The following SYN2 variants were observed in gnomAD, a reference collection of about 807,000 sequenced individuals.
SYN2 encodes synapsin-2.
In SYN2, 19 loss-of-function variants were observed where a neutral mutation model predicts 50.9. The ratio of observed to expected loss-of-function variants is 0.37; its 90% CI spans 0.26 to 0.55. The LOEUF (loss-of-function observed/expected upper bound fraction) is 0.55. Among genes scored for constraint, SYN2 ranks in the 20% least tolerant of loss-of-function variants. The pLI is 0.81. For missense variants in SYN2, 587 were observed against 576.4 expected (o/e 1.02, Z -0.19); for synonymous variants, 255 against 224.9 (o/e 1.13, Z -1.20).
intron 1 of SYN2, among the ~76,000 whole-genome samples, chr3:12,084,026 C>A (rs1458537488): frequency 1.3e-5 from 2 of 152,060 alleles, no homozygotes; most frequent in Non-Finnish European, 2.9e-5. Context: ...AATTTAGAAA[C>A]CCTGTTTATG....
At chr3:12,153,616 C>G (rs781379334) in intron 5 of SYN2, 27 of 1,614,034 alleles carry the variant, frequency 1.7e-5, no homozygotes, top group Non-Finnish European at 2.0e-5. Flanking sequence ...TAATGCTGAG[C>G]CTGGTAACCA....
At position 12,185,212 on chromosome 3, in the gene SYN2, A is replaced by G. The variant is rs774086189; in HGVS notation, c.1369+1840A>G. On this transcript the variant is annotated intron_variant, in intron 11 of 12. Transcript: ENST00000621198. ...AGGTCCTTAAATACCTCCCAATCTG[A>G]TGAAACGATAGAATAAAGTAACATT... 2.1e-5 allele frequency: 21 copies of G among 985,764 alleles called. No individual in the cohort carries two copies. In the Admixed American group the frequency reaches 9.2e-4, roughly 43 times the overall value. 61.1% of individuals were successfully genotyped at this position (985,764 alleles called of 1,614,324 possible).
chr3:12,105,986 G>C (rs1431054020), intron 1 of SYN2, among the ~76,000 whole-genome samples: 1 of 152,060 alleles, frequency 6.6e-6, no homozygotes, highest in Non-Finnish European at 1.5e-5. Flanking sequence ...ATCTACACAG[G>C]GATCTTCTTA....
chr3:12,053,493 C>G (rs1203161215), intron 1 of SYN2, among the ~76,000 whole-genome samples: 1 of 151,504 alleles, frequency 6.6e-6, no homozygotes, highest in African/African-American at 2.4e-5. Flanking sequence ...CCTTCTTTCT[C>G]ATTATCTGAT....
chr3:12,053,007 C>T (rs1276346653), intron 1 of SYN2, among the ~76,000 whole-genome samples: 1 of 152,108 alleles, frequency 6.6e-6, no homozygotes, highest in East Asian at 1.9e-4. Flanking sequence ...ACCTTTACAA[C>T]AACCCTACAG....
Position 12,108,062 on chromosome 3 carries a change from T to A in SYN2, c.378-32589T>A, listed in dbSNP as rs1258421833. ...CCTGTCTCTACAAAAAATAAAACAT[T>A]AGCTGGGCATGGTGGCATGTGCCTG... On this transcript the variant is annotated intron_variant, in intron 1 of 12. Coordinates refer to ENST00000621198, the MANE Select transcript of SYN2 (RefSeq NM_133625.6). 2.6e-5 allele frequency among the ~76,000 whole-genome samples: 4 copies of A among 151,930 alleles called. No individual in the cohort carries two copies. In the South Asian group the frequency reaches 8.3e-4, roughly 32 times the overall value.
chr3:12,049,526 A>AT (rs199871667), intron 1 of SYN2, among the ~76,000 whole-genome samples: 96,805 of 141,808 alleles, frequency 0.68, 33,554 homozygotes, highest in South Asian at 0.79. Flanking sequence ...CTCAAAAAAA[A>AT]AAAAATAATA....
At chr3:12,148,397 G>T (rs530200721) in intron 4 of SYN2, among the ~76,000 whole-genome samples, 1 of 152,242 alleles carries the variant, frequency 6.6e-6, no homozygotes, top group Non-Finnish European at 1.5e-5. Context: ...GCTAGTTCAT[G>T]GGAGTGGACA....
At chr3:12,009,277 CACTT>C (rs1480025665) in intron 1 of SYN2, among the ~76,000 whole-genome samples, 8 of 151,884 alleles carry the variant, frequency 5.3e-5, no homozygotes, top group African/African-American at 1.9e-4. Context: ...CAAGGTTACT[CACTT>C]AGCTAATGGC....
rs1359383295 is a variant in SYN2 at position 12,050,724 on chromosome 3, T to C, written c.377+45796T>C. ...TTCTTCTCTTCTCTTTTTTTTTTTTTTTTTTTTTTTTTTTTTTTTTTTGAG... is the reference window on the plus strand; with the variant it reads ...TTCTTCTCTTCTCTTTTTTTTTTTTCTTTTTTTTTTTTTTTTTTTTTTGAG... On this transcript the variant is annotated intron_variant, in intron 1 of 12. Coordinates refer to ENST00000621198, the MANE Select transcript of SYN2 (RefSeq NM_133625.6). 4.5e-5 allele frequency among the ~76,000 whole-genome samples: 3 copies of C among 66,432 alleles called. No homozygotes were observed. The East Asian group carries it at 1.1e-3, about 24-fold the overall frequency. 43.6% of individuals were successfully genotyped at this position (66,432 alleles called of 152,430 possible).
At chr3:12,183,162 T>C in intron 10 of SYN2, 150 bp from the exon 11 acceptor site, 1 of 1,140,444 alleles carries the variant, frequency 8.8e-7, no homozygotes, top group Non-Finnish European at 1.2e-6. Context: ...AAAGTGTTTC[T>C]GGAGCAGCAG....
intron 1 of SYN2, among the ~76,000 whole-genome samples, chr3:12,024,414 T>G (rs1694210252): frequency 1.3e-5 from 2 of 152,118 alleles, no homozygotes; most frequent in Admixed American, 1.3e-4. Flanking sequence ...CATCTCGGCC[T>G]CCCAAAGTGC....
intron 1 of SYN2, among the ~76,000 whole-genome samples, chr3:12,099,442 C>T (rs1696017969): frequency 6.6e-6 from 1 of 152,064 alleles, no homozygotes; most frequent in Admixed American, 6.5e-5. Flanking sequence ...GGAAATTAAA[C>T]AACACTCTTA....
chr3:12,045,096 C>A (rs953447497), intron 1 of SYN2, among the ~76,000 whole-genome samples: 20 of 152,174 alleles, frequency 1.3e-4, no homozygotes, highest in African/African-American at 4.6e-4. Flanking sequence ...GCCCTCCAGG[C>A]ATCTAGTAAT....
Position 12,191,780 on chromosome 3 carries a change from A to T in SYN2, c.*1155A>T, listed in dbSNP as rs1189746876. 1.3e-5 allele frequency among the ~76,000 whole-genome samples: 2 copies of T among 152,146 alleles called. No individual in the cohort carries two copies. Among genetic ancestry groups the T allele is most frequent in the African/African-American group, 4.8e-5 (2 of 41,418 alleles). ...TTTAGACTCACTTGCCTGGTCTATC[A>T]TCAAGCTCCTCAGCTGAGGCCCACA... On this transcript the variant is annotated 3_prime_UTR_variant, in exon 13 of 13. Coordinates refer to ENST00000621198, the MANE Select transcript of SYN2 (RefSeq NM_133625.6).
At chr3:12,179,780 C>A (rs765385115) in intron 10 of SYN2, among the ~76,000 whole-genome samples, 69 of 152,128 alleles carry the variant, frequency 4.5e-4, no homozygotes, top group Non-Finnish European at 2.1e-4. Flanking sequence ...GGTTGCAGTG[C>A]TCTCTCATGA....
intron 1 of SYN2, among the ~76,000 whole-genome samples, chr3:12,079,760 T>G (rs1477930475): frequency 6.6e-6 from 1 of 152,138 alleles, no homozygotes; most frequent in Non-Finnish European, 1.5e-5. Flanking sequence ...TGGCCTGAAG[T>G]TTTCTTTTTT....
At chr3:12,122,858 A>G (rs1696589876) in intron 1 of SYN2, among the ~76,000 whole-genome samples, 1 of 152,200 alleles carries the variant, frequency 6.6e-6, no homozygotes, top group African/African-American at 2.4e-5. Context: ...TAGATTTAAA[A>G]TTGTAGGAAC....
chr3:12,157,519 T>A, intron 5 of SYN2: 1 of 1,597,948 alleles, frequency 6.3e-7, no homozygotes, highest in Non-Finnish European at 8.6e-7. Flanking sequence ...CTTCAGCAGC[T>A]GGTGGGGGCA....
Sources: allele counts gnomAD v4.1 joint callset (sites outside exome capture counted in the v4.1 genomes callset), GRCh38; gene constraint gnomAD v4.1.1; transcripts MANE v1.5; gene names NCBI Gene and HGNC (gene_info 2026-07-23, HGNC 2026-07-21).